GRIK3: variants seen among roughly 807,000 people sequenced by gnomAD.
The protein encoded by GRIK3 is glutamate ionotropic receptor kainate type subunit 3.
A neutral mutation model predicts 102.5 loss-of-function variants in GRIK3; 29 were observed. The observed-to-expected ratio is 0.28, with a 90% confidence interval of 0.21 to 0.39. The LOEUF (loss-of-function observed/expected upper bound fraction) is 0.39, where lower values mean the gene tolerates loss of function less well. Among genes scored for constraint, GRIK3 ranks in the 10% least tolerant of loss-of-function variants. The pLI is 1.00. For missense variants in GRIK3, 908 were observed against 1,252.4 expected (o/e 0.73, Z 4.15); for synonymous variants, 511 against 504.9 (o/e 1.01, Z -0.16).
In GRIK3 at chr1:37,034,012, G is replaced by T; in HGVS notation, c.97C>A (p.Pro33Thr). Reference sequence around the variant, plus strand: ...CGCTTACCGATCCGGATGACGTGGGGCATCCCGCGCGAGTCCGGGATCCAG... The same window carrying T: ...CGCTTACCGATCCGGATGACGTGGGTCATCCCGCGCGAGTCCGGGATCCAG... ...AFWIPDSRGMPHVIRIGGIFE... is the reference protein window; with the variant it reads ...AFWIPDSRGMTHVIRIGGIFE... Residue 33 changes from proline (P) to threonine (T), a missense_variant, in exon 1 of 16, where the codon CCC becomes ACC. Around this residue, in one of 3 missense-constraint regions of GRIK3, gnomAD observed 585 missense variants for 824.9 expected, o/e 0.71. Transcript: ENST00000373091. The T allele has an allele frequency of 1.9e-6, 3 of 1,596,024 alleles. No individual in the cohort carries two copies. The East Asian group carries it at 6.9e-5, about 37-fold the overall frequency.
intron 1 of GRIK3, among the ~76,000 whole-genome samples, chr1:36,978,686 G>T (rs1332910247): frequency 6.6e-6 from 1 of 152,186 alleles, no homozygotes; most frequent in Non-Finnish European, 1.5e-5. Flanking sequence ...GGGGCAAGGA[G>T]GGTGACTTGG....
intron 11 of GRIK3, among the ~76,000 whole-genome samples, chr1:36,824,408 C>T (rs912080612): frequency 2.0e-5 from 3 of 152,278 alleles, no homozygotes; most frequent in South Asian, 2.1e-4. Context: ...GCGGCTGCTG[C>T]GCCCACCAGG....
At chr1:36,905,403 C>G (rs1641275461) in intron 1 of GRIK3, among the ~76,000 whole-genome samples, 1 of 150,212 alleles carries the variant, frequency 6.7e-6, no homozygotes, top group South Asian at 2.1e-4. Flanking sequence ...GAAGTTCTTT[C>G]TAGAAAGTAA....
chr1:36,805,831 G>A (rs577350623), intron 14 of GRIK3, among the ~76,000 whole-genome samples: 1 of 151,060 alleles, frequency 6.6e-6, no homozygotes, highest in East Asian at 2.0e-4. Context: ...AGCTACTCGG[G>A]AGGCTGAGGC....
At chr1:36,923,970 GAC>G (rs1258758924) in intron 1 of GRIK3, among the ~76,000 whole-genome samples, 1 of 150,818 alleles carries the variant, frequency 6.6e-6, no homozygotes, top group Non-Finnish European at 1.5e-5. Flanking sequence ...CTTGCACCAA[GAC>G]ACATACATCC....
intron 1 of GRIK3, among the ~76,000 whole-genome samples, chr1:36,956,031 A>G (rs778938572): frequency 1.3e-5 from 2 of 152,206 alleles, no homozygotes; most frequent in Non-Finnish European, 2.9e-5. Flanking sequence ...GGCTCCACCA[A>G]CAGCCAGAGC....
intron 1 of GRIK3, among the ~76,000 whole-genome samples, chr1:36,922,490 G>A (rs774603005): frequency 5.9e-5 from 9 of 152,140 alleles, no homozygotes; most frequent in Non-Finnish European, 1.0e-4. Context: ...CATACAGGGG[G>A]CTTTACTGGC....
intron 11 of GRIK3, among the ~76,000 whole-genome samples, chr1:36,820,640 T>TA: frequency 6.6e-6 from 1 of 152,220 alleles, no homozygotes; most frequent in South Asian, 2.1e-4. Flanking sequence ...TTGGGTATAA[T>TA]AAAAAACCTT....
chr1:37,033,427 C>G (rs1055601949), intron 1 of GRIK3, among the ~76,000 whole-genome samples: 1 of 152,220 alleles, frequency 6.6e-6, no homozygotes, highest in Non-Finnish European at 1.5e-5. Flanking sequence ...TCCCCCAACC[C>G]CCGCCCCATG....
chr1:36,819,285 G>T lies in GRIK3; in HGVS notation c.1873+451C>A, dbSNP rs1642670308. The stretch of plus-strand genomic sequence containing the variant: ...TCCATTTCTGCCTTCCACTCCCAGG[G>T]CCACCACGAGGTTCAGGTCTCATCA... On this transcript the variant is annotated intron_variant, in intron 12 of 15. Coordinates refer to ENST00000373091, the MANE Select transcript of GRIK3 (RefSeq NM_000831.4). The surrounding 1 kb of genome is among the most constrained non-coding windows in gnomAD (Gnocchi z 4.1). 6.6e-6 allele frequency among the ~76,000 whole-genome samples: 1 copy of T among 152,150 alleles called. No individual in the cohort carries two copies. Among genetic ancestry groups the T allele is most frequent in the Non-Finnish European group, 1.5e-5 (1 of 68,020 alleles).
intron 1 of GRIK3, among the ~76,000 whole-genome samples, chr1:37,021,349 C>T (rs1009377164): frequency 1.3e-5 from 2 of 152,132 alleles, no homozygotes; most frequent in Admixed American, 6.6e-5. Flanking sequence ...GGGGTGCCTC[C>T]ATTTGTGTTC....
At chr1:36,989,846 C>T (rs994675566) in intron 1 of GRIK3, among the ~76,000 whole-genome samples, 3 of 152,202 alleles carry the variant, frequency 2.0e-5, no homozygotes, top group South Asian at 2.1e-4. Context: ...CAGTGATAAC[C>T]GTACCCCACT....
chr1:36,881,591 C>T (rs1170968382), intron 2 of GRIK3, among the ~76,000 whole-genome samples: 1 of 152,204 alleles, frequency 6.6e-6, no homozygotes, highest in Admixed American at 6.5e-5. Flanking sequence ...TCCCGCCACT[C>T]CCAGCCCCGA....
chr1:36,812,523 G>T (rs1416339558), intron 13 of GRIK3, among the ~76,000 whole-genome samples: 1 of 151,982 alleles, frequency 6.6e-6, no homozygotes, highest in Non-Finnish European at 1.5e-5. Context: ...GCTTTCAAAG[G>T]CCTCTTTTTT....
At chr1:37,032,217 G>A (rs74721966) in intron 1 of GRIK3, among the ~76,000 whole-genome samples, 3,225 of 152,230 alleles carry the variant, frequency 0.021, 97 homozygotes, top group African/African-American at 0.065. Context: ...ATCATCCTGC[G>A]CCTTCCCAGC....
Position 36,962,703 on chromosome 1 carries a change from T to C in GRIK3, c.115+71291A>G, listed in dbSNP as rs139222882. On this transcript the variant is annotated intron_variant, in intron 1 of 15. Coordinates refer to ENST00000373091, the MANE Select transcript of GRIK3 (RefSeq NM_000831.4). ...ACAAAAAGTCAGAGGGAGAAGGAGA[T>C]ATGGAGAGGCAAAGAGAGGGACCAA... Among the ~76,000 whole-genome samples, 45 of 146,208 alleles carry C rather than the reference T, an allele frequency of 3.1e-4. No individual in the cohort carries two copies. The East Asian group carries it at 8.3e-3, about 27-fold the overall frequency.
intron 1 of GRIK3, among the ~76,000 whole-genome samples, chr1:36,903,696 A>G (rs1641255322): frequency 6.6e-6 from 1 of 152,268 alleles, no homozygotes; most frequent in Admixed American, 6.5e-5. Context: ...GCCTATCACT[A>G]AGCGAATGAA....
chr1:36,878,427 T>C (rs1640932551), intron 3 of GRIK3, among the ~76,000 whole-genome samples: 1 of 152,232 alleles, frequency 6.6e-6, no homozygotes, highest in Admixed American at 6.5e-5. Flanking sequence ...AGCTTTCCAA[T>C]TGTCTTTTCT....
chr1:36,862,347 T>G (rs756674213), intron 5 of GRIK3, among the ~76,000 whole-genome samples: 4 of 152,218 alleles, frequency 2.6e-5, no homozygotes, highest in Non-Finnish European at 5.9e-5. Context: ...CATTGACTGA[T>G]GCATCGTTGA....
Sources: allele counts gnomAD v4.1 joint callset (sites outside exome capture counted in the v4.1 genomes callset), GRCh38; gene constraint gnomAD v4.1.1; regional missense constraint gnomAD v4.1.1; non-coding constraint Gnocchi (gnomAD v3.1); transcripts MANE v1.5; gene names NCBI Gene and HGNC (gene_info 2026-07-23, HGNC 2026-07-21).